Variants in ARL15 observed in about 807,000 individuals in gnomAD.
The protein encoded by ARL15 is ADP-ribosylation factor-like protein 15.
A neutral mutation model predicts 25.2 loss-of-function variants in ARL15; 19 were observed. That is an observed-to-expected ratio of 0.75 (90% CI 0.53 to 1.10). ARL15 has a LOEUF of 1.10. Among genes scored for constraint, ARL15 ranks in the 50% least tolerant of loss-of-function variants. The pLI is 0.00. For synonymous variants in ARL15, 94 were observed against 86.8 expected, an observed-to-expected ratio of 1.08 and a Z score of -0.46; for missense variants, 220 against 246.0, an observed-to-expected ratio of 0.89 and a Z score of 0.71.
Position 54,007,656 on chromosome 5 carries a change from A to C in ARL15, c.462+105546T>G, listed in dbSNP as rs1014656806. On this transcript the variant is annotated intron_variant, in intron 4 of 4. Coordinates refer to ENST00000504924, the MANE Select transcript of ARL15 (RefSeq NM_019087.3). ...ACCCCGTCTCTACTAAAATAAAAAA[A>C]CTTGGCCAGTTTTGCAATGAAAAGA... 2.5e-4 allele frequency among the ~76,000 whole-genome samples: 38 copies of C among 152,184 alleles called. 1 individual carries two copies. The highest frequency in any genetic ancestry group is 8.7e-4 in the African/African-American group (36 of 41,448).
chr5:54,050,667 C>G (rs577830918), intron 4 of ARL15, among the ~76,000 whole-genome samples: 39 of 152,164 alleles, frequency 2.6e-4, no homozygotes, highest in Middle Eastern at 3.4e-3. Flanking sequence ...CTTTATAAAC[C>G]AATATTTTAA....
intron 1 of ARL15, among the ~76,000 whole-genome samples, chr5:54,279,290 A>G (rs1757996819): frequency 6.6e-6 from 1 of 152,090 alleles, no homozygotes; most frequent in Admixed American, 6.5e-5. Flanking sequence ...AATCTGCCAA[A>G]ACAAAATACC....
rs368382975 is a variant in ARL15 at position 54,038,036 on chromosome 5, A to G, written c.462+75166T>C. Among the ~76,000 whole-genome samples the G allele has an allele frequency of 4.6e-5, 7 of 152,274 alleles. No homozygotes were observed. In the East Asian group the frequency reaches 1.2e-3, roughly 25 times the overall value. Reference sequence around the variant, plus strand: ...ATTGTCTAATCAACACCTTGAATTGAAAATCATACTTTAATTGCCAACTGT... The same window carrying G: ...ATTGTCTAATCAACACCTTGAATTGGAAATCATACTTTAATTGCCAACTGT... On this transcript the variant is annotated intron_variant, in intron 4 of 4. Transcript: ENST00000504924.
At chr5:54,155,536 T>C (rs1419622897) in intron 2 of ARL15, among the ~76,000 whole-genome samples, 1 of 152,236 alleles carries the variant, frequency 6.6e-6, no homozygotes, top group Non-Finnish European at 1.5e-5. Context: ...GCAATCATTT[T>C]ATAATACATG....
At chr5:54,158,245 A>G (rs1451534615) in intron 2 of ARL15, among the ~76,000 whole-genome samples, 1 of 152,146 alleles carries the variant, frequency 6.6e-6, no homozygotes, top group Non-Finnish European at 1.5e-5. Flanking sequence ...TTCCTATTCC[A>G]TTTATTAACT....
chr5:54,134,732 G>T (rs1026349901), intron 3 of ARL15, among the ~76,000 whole-genome samples: 1 of 151,534 alleles, frequency 6.6e-6, no homozygotes, highest in East Asian at 1.9e-4. Flanking sequence ...CTACAGGCAC[G>T]CACCACCACA....
chr5:53,944,501 A>G (rs1330931375), intron 4 of ARL15, among the ~76,000 whole-genome samples: 1 of 152,000 alleles, frequency 6.6e-6, no homozygotes, highest in East Asian at 1.9e-4. Flanking sequence ...CTGAGGTGGG[A>G]GGATCACCTG....
intron 1 of ARL15, among the ~76,000 whole-genome samples, chr5:54,235,197 C>T (rs1756769706): frequency 6.6e-6 from 1 of 152,114 alleles, no homozygotes; most frequent in South Asian, 2.1e-4. Flanking sequence ...TGAAAAAGGA[C>T]CTTTGAAGGA....
intron 4 of ARL15, among the ~76,000 whole-genome samples, chr5:54,110,551 C>T (rs1302526956): frequency 6.6e-6 from 1 of 151,918 alleles, no homozygotes; most frequent in Non-Finnish European, 1.5e-5. Context: ...AGAATTTTGC[C>T]TAAAATTCAC....
At chr5:54,024,822 C>A (rs1286479857) in intron 4 of ARL15, among the ~76,000 whole-genome samples, 1 of 151,780 alleles carries the variant, frequency 6.6e-6, no homozygotes. Flanking sequence ...AATACAAATA[C>A]TCACAAAGTA....
chr5:54,023,571 T>C (rs1749683992), intron 4 of ARL15, among the ~76,000 whole-genome samples: 1 of 151,908 alleles, frequency 6.6e-6, no homozygotes, highest in Non-Finnish European at 1.5e-5. Context: ...GTACACATTA[T>C]ACCGTTGGGG....
intron 1 of ARL15, among the ~76,000 whole-genome samples, chr5:54,302,041 T>G (rs1758628499): frequency 6.6e-6 from 1 of 152,050 alleles, no homozygotes. Flanking sequence ...AGAGAGTGGG[T>G]AATCAATGAA....
intron 1 of ARL15, among the ~76,000 whole-genome samples, chr5:54,210,201 CGTACCCACTTCAAAATATATT>C (rs1561267980): frequency 6.6e-6 from 1 of 152,086 alleles, no homozygotes; most frequent in African/African-American, 2.4e-5. Flanking sequence ...CATTTTTAAA[CGTACCCACTTCAAAATATATT>C]GTAAGATTCT....
chr5:54,286,135 T>C (rs1362320088), intron 1 of ARL15: 2 of 152,160 alleles, frequency 1.3e-5, no homozygotes, highest in Admixed American at 6.6e-5. Flanking sequence ...TTTAACTAAT[T>C]ACAAAATAAA....
intron 4 of ARL15, among the ~76,000 whole-genome samples, chr5:53,964,343 T>C (rs1229127592): frequency 6.6e-6 from 1 of 152,134 alleles, no homozygotes; most frequent in Non-Finnish European, 1.5e-5. Context: ...TCTATACTGG[T>C]TCTATTTTAT....
chr5:54,242,169 G>GCACA lies in ARL15; in HGVS notation c.48+68259_48+68262dup, dbSNP rs142704353. 6.7e-5 allele frequency among the ~76,000 whole-genome samples: 10 copies of GCACA among 149,256 alleles called. 1 individual carries two copies. Among genetic ancestry groups the GCACA allele is most frequent in the South Asian group, 4.2e-4 (2 of 4,706 alleles). ...TTTTAACCTGTACACGTACACACAC[G>GCACA]CACACACACACACACACAATTAAGT... On this transcript the variant is annotated intron_variant, in intron 1 of 4. Coordinates refer to ENST00000504924, the MANE Select transcript of ARL15 (RefSeq NM_019087.3).
At chr5:54,208,260 T>C (rs958361805) in intron 1 of ARL15, among the ~76,000 whole-genome samples, 35 of 152,118 alleles carry the variant, frequency 2.3e-4, no homozygotes, top group Non-Finnish European at 7.4e-5. Flanking sequence ...CACTTTTAAA[T>C]ATAAATAGAC....
At chr5:54,298,757 C>T (rs888002626) in intron 1 of ARL15, among the ~76,000 whole-genome samples, 1 of 152,078 alleles carries the variant, frequency 6.6e-6, no homozygotes, top group Non-Finnish European at 1.5e-5. Flanking sequence ...CTCTGGTCAA[C>T]ATTTAACAAA....
At chr5:53,911,199 T>G (rs1312136298) in intron 4 of ARL15, among the ~76,000 whole-genome samples, 1 of 152,194 alleles carries the variant, frequency 6.6e-6, no homozygotes, top group Admixed American at 6.5e-5. Context: ...AAGCTTCAAC[T>G]GAAGTTCACT....
Sources: allele counts gnomAD v4.1 joint callset (sites outside exome capture counted in the v4.1 genomes callset), GRCh38; gene constraint gnomAD v4.1.1; transcripts MANE v1.5; gene names NCBI Gene and HGNC (gene_info 2026-07-23, HGNC 2026-07-21).